Variants in MYO1B observed in about 807,000 individuals in gnomAD.
MYO1B encodes the protein unconventional myosin-Ib.
A neutral mutation model predicts 159.7 loss-of-function variants in MYO1B; 72 were observed. That is an observed-to-expected ratio of 0.45 (90% CI 0.37 to 0.55). MYO1B has a LOEUF of 0.55. MYO1B is among the 20% of genes least tolerant of loss of function. MYO1B has a pLI of 0.00. For missense variants in MYO1B, 1,062 were observed against 1,364.8 expected (o/e 0.78, Z 3.50); for synonymous variants, 468 against 473.8 (o/e 0.99, Z 0.16).
intron 7 of MYO1B, among the ~76,000 whole-genome samples, chr2:191,351,556 G>C (rs1218023013): frequency 1.3e-5 from 2 of 152,184 alleles, no homozygotes; most frequent in Non-Finnish European, 2.9e-5. Flanking sequence ...TGAATTCCAT[G>C]GTTCTTCCCA....
At chr2:191,331,063 C>T (rs1261061862) in intron 4 of MYO1B, among the ~76,000 whole-genome samples, 2 of 152,206 alleles carry the variant, frequency 1.3e-5, no homozygotes, top group African/African-American at 4.8e-5. Flanking sequence ...CTACTCTTTA[C>T]TCCACTTGCC....
chr2:191,261,427 G>T lies in MYO1B; in HGVS notation c.-9-15460G>T, dbSNP rs562034273. On this transcript the variant is annotated intron_variant, in intron 1 of 30. Transcript: ENST00000392318. ...CTGATATTATCAGTCATTCATGATT[G>T]GTGGGTTAAGTTGTGATTATGTAAA... Among the ~76,000 whole-genome samples, 4 of 152,326 alleles carry T rather than the reference G, an allele frequency of 2.6e-5. No homozygotes were observed. The South Asian group carries it at 8.3e-4, about 32-fold the overall frequency.
intron 21 of MYO1B, among the ~76,000 whole-genome samples, chr2:191,399,619 A>G (rs1415259747): frequency 6.6e-6 from 1 of 152,202 alleles, no homozygotes; most frequent in African/African-American, 2.4e-5. Flanking sequence ...CCAGAGGGGT[A>G]GTGCCCAGGC....
Position 191,424,141 on chromosome 2 carries a change from A to T in MYO1B, c.*181A>T. The T allele has an allele frequency of 2.9e-6, 2 of 689,598 alleles. No individual in the cohort carries two copies. Among genetic ancestry groups the T allele is most frequent in the Non-Finnish European group, 4.8e-6 (2 of 417,078 alleles). 42.7% of individuals were successfully genotyped at this position (689,598 alleles called of 1,614,324 possible). A position where few individuals can be genotyped will look rare whatever the true frequency, so the allele number is the denominator to read the frequency against. ...GGAATAGTTTTAACCTTTCAAATAC[A>T]TGTTCTGTCCTGGAGCAGGATTGTA... is the stretch of plus-strand genomic sequence containing the variant. On this transcript the variant is annotated 3_prime_UTR_variant, in exon 31 of 31. Transcript: ENST00000392318.
chr2:191,348,230 T>C (rs534067862), intron 6 of MYO1B, among the ~76,000 whole-genome samples: 1 of 152,284 alleles, frequency 6.6e-6, no homozygotes, highest in African/African-American at 2.4e-5. Flanking sequence ...CTCTCCAGTG[T>C]TTATTCTACT....
intron 1 of MYO1B, among the ~76,000 whole-genome samples, chr2:191,247,021 G>A (rs1013140858): frequency 5.9e-5 from 9 of 152,162 alleles, no homozygotes; most frequent in Non-Finnish European, 1.3e-4. Flanking sequence ...CCAAAGGATT[G>A]GCTGACCTAG....
intron 1 of MYO1B, among the ~76,000 whole-genome samples, chr2:191,256,347 G>C (rs1389684637): frequency 6.6e-6 from 1 of 152,144 alleles, no homozygotes; most frequent in Non-Finnish European, 1.5e-5. Flanking sequence ...CCTTCTTTGG[G>C]TTATAGTAAG....
chr2:191,326,813 T>TGC (rs1264705830), intron 3 of MYO1B, among the ~76,000 whole-genome samples: 5,026 of 143,952 alleles, frequency 0.035, 63 homozygotes, highest in Admixed American at 0.049. Context: ...TGTGTGTGTG[T>TGC]GTGCGCGCGC....
chr2:191,322,247 G>A (rs1690770646), intron 3 of MYO1B, among the ~76,000 whole-genome samples: 1 of 152,244 alleles, frequency 6.6e-6, no homozygotes, highest in African/African-American at 2.4e-5. Context: ...CAGCACAAGG[G>A]ATTGCTACTA....
intron 2 of MYO1B, among the ~76,000 whole-genome samples, chr2:191,284,799 A>AT (rs1400735463): frequency 1.9e-4 from 29 of 152,050 alleles, no homozygotes; most frequent in Non-Finnish European, 1.8e-4. Flanking sequence ...CACCTGGCTA[A>AT]TTTTTTGTAC....
intron 1 of MYO1B, among the ~76,000 whole-genome samples, chr2:191,272,414 T>C (rs936442115): frequency 5.3e-5 from 8 of 152,226 alleles, no homozygotes; most frequent in African/African-American, 1.9e-4. Context: ...CAGATTGCCA[T>C]AGTTCTTGGT....
chr2:191,363,956 A>G (rs140054517), intron 10 of MYO1B, 81 bp downstream of exon 10: 1 of 1,561,748 alleles, frequency 6.4e-7, no homozygotes, highest in Non-Finnish European at 8.8e-7. Flanking sequence ...AGAAAGTAAA[A>G]TTTTTGCTTT....
At chr2:191,269,750 T>C (rs548289715) in intron 1 of MYO1B, among the ~76,000 whole-genome samples, 1 of 152,044 alleles carries the variant, frequency 6.6e-6, no homozygotes, top group Non-Finnish European at 1.5e-5. Flanking sequence ...TAGAAAGCTC[T>C]TGAGGGGAAG....
At chr2:191,373,421 A>G (rs557544583) in intron 13 of MYO1B, among the ~76,000 whole-genome samples, 1 of 152,252 alleles carries the variant, frequency 6.6e-6, no homozygotes, top group Admixed American at 6.5e-5. Flanking sequence ...GCAGATTCCA[A>G]ACATGTGGTG....
chr2:191,375,959 A>C (rs1694685527), intron 13 of MYO1B, among the ~76,000 whole-genome samples: 1 of 123,344 alleles, frequency 8.1e-6, no homozygotes, highest in African/African-American at 3.9e-5. Flanking sequence ...ACTCCGTATC[A>C]AAAAAAAAAA....
intron 16 of MYO1B, 137 bp from the exon 17 acceptor site, chr2:191,387,087 G>A: frequency 1.3e-6 from 1 of 774,380 alleles, no homozygotes; most frequent in Non-Finnish European, 2.1e-6. Context: ...CATTATGAGA[G>A]TGTGACTAAC....
intron 2 of MYO1B, among the ~76,000 whole-genome samples, chr2:191,284,250 A>G (rs1240419242): frequency 6.6e-6 from 1 of 152,216 alleles, no homozygotes; most frequent in Non-Finnish European, 1.5e-5. Context: ...CTACACATGC[A>G]TCTGTGTCTG....
intron 19 of MYO1B, among the ~76,000 whole-genome samples, chr2:191,392,458 T>A (rs1695813777): frequency 6.6e-6 from 1 of 152,138 alleles, no homozygotes. Context: ...AAAGAAACTG[T>A]TAGGACAACG....
chr2:191,342,619 G>A (rs1692292738), intron 5 of MYO1B, among the ~76,000 whole-genome samples: 1 of 152,200 alleles, frequency 6.6e-6, no homozygotes, highest in Non-Finnish European at 1.5e-5. Context: ...GGCCAAGGCG[G>A]GTGGATCACT....
Sources: allele counts gnomAD v4.1 joint callset (sites outside exome capture counted in the v4.1 genomes callset), GRCh38; gene constraint gnomAD v4.1.1; transcripts MANE v1.5; gene names NCBI Gene and HGNC (gene_info 2026-07-23, HGNC 2026-07-21).